The following AGBL1 variants were observed in gnomAD, a reference collection of about 807,000 sequenced individuals.
The protein encoded by AGBL1 is AGBL carboxypeptidase 1.
Under a neutral mutation model 118.9 loss-of-function variants are expected in AGBL1, and 130 were observed. The observed-to-expected ratio is 1.09, with a 90% confidence interval of 0.95 to 1.26. The LOEUF (loss-of-function observed/expected upper bound fraction) is 1.26, where lower values mean the gene tolerates loss of function less well. AGBL1 is among the 50% of genes most tolerant of loss of function. AGBL1 has a pLI of 0.00. For missense variants in AGBL1, 1,584 were observed against 1,298.1 expected, an observed-to-expected ratio of 1.22 and a Z score of -3.38; for synonymous variants, 555 against 478.9, an observed-to-expected ratio of 1.16 and a Z score of -2.08.
chr15:86,432,699 G>C (rs1311635712), intron 18 of AGBL1, among the ~76,000 whole-genome samples: 2 of 152,210 alleles, frequency 1.3e-5, no homozygotes, highest in Non-Finnish European at 2.9e-5. Flanking sequence ...GGATAGCAGA[G>C]ATAAAGGAGC....
At chr15:86,785,875 G>C (rs1043177835) in intron 22 of AGBL1, among the ~76,000 whole-genome samples, 1 of 152,168 alleles carries the variant, frequency 6.6e-6, no homozygotes, top group African/African-American at 2.4e-5. Context: ...CTAGTGTCTA[G>C]TTACAGAAAC....
intron 1 of AGBL1, among the ~76,000 whole-genome samples, chr15:86,111,848 C>G (rs535568713): frequency 8.5e-5 from 13 of 152,208 alleles, no homozygotes; most frequent in Non-Finnish European, 1.9e-4. Context: ...AAAGCTTCAT[C>G]TGTATTTACA....
At chr15:86,797,076 G>C (rs548483770) in intron 22 of AGBL1, among the ~76,000 whole-genome samples, 1 of 152,180 alleles carries the variant, frequency 6.6e-6, no homozygotes, top group South Asian at 2.1e-4. Flanking sequence ...GAGTTTCCTC[G>C]TCTGTGAAGT....
intron 22 of AGBL1, among the ~76,000 whole-genome samples, chr15:86,727,442 T>G (rs1351238435): frequency 6.6e-6 from 1 of 152,188 alleles, no homozygotes; most frequent in African/African-American, 2.4e-5. Flanking sequence ...TTGATTCCCA[T>G]TCTATGTTTT....
intron 22 of AGBL1, among the ~76,000 whole-genome samples, chr15:86,759,381 C>T (rs1017250371): frequency 2.6e-5 from 4 of 152,040 alleles, no homozygotes; most frequent in Non-Finnish European, 5.9e-5. Flanking sequence ...TCTGTTTTCT[C>T]ACTTGTATAA....
chr15:86,266,457 G>T lies in AGBL1; in HGVS notation c.1751G>T (p.Trp584Leu). ...NKVVFSLDEPWPLQDNASNCL... is the reference protein window; with the variant it reads ...NKVVFSLDEPLPLQDNASNCL... ...GTTGTCTTCAGTTTAGATGAGCCTTGGTAGGTAGTCTCGTGCATCTGAGGA... is the reference window on the plus strand; with the variant it reads ...GTTGTCTTCAGTTTAGATGAGCCTTTGTAGGTAGTCTCGTGCATCTGAGGA... Residue 584 changes from tryptophan to leucine, a missense_variant and splice_region_variant, in exon 12 of 23, where the codon TGG becomes TTG. Physicochemically the swap from Trp to Leu is moderately conservative, Grantham distance 61. Coordinates refer to ENST00000614907, the MANE Select transcript of AGBL1 (RefSeq NM_001386094.1). The T allele has an allele frequency of 6.4e-7, 1 of 1,560,284 alleles. No individual in the cohort carries two copies. The highest frequency in any genetic ancestry group is 2.3e-5 in the East Asian group (1 of 42,708).
chr15:86,294,195 C>T (rs371199873), intron 16 of AGBL1, among the ~76,000 whole-genome samples: 1 of 151,854 alleles, frequency 6.6e-6, no homozygotes, highest in Non-Finnish European at 1.5e-5. Flanking sequence ...GTCAGGAGTT[C>T]GAGATCAGCC....
chr15:86,387,248 G>T lies in AGBL1; in HGVS notation c.2375-10118G>T, dbSNP rs914910679. Among the ~76,000 whole-genome samples, 3 of 152,168 alleles carry T rather than the reference G, an allele frequency of 2.0e-5. No individual in the cohort carries two copies. In the East Asian group the frequency reaches 5.8e-4, roughly 29 times the overall value. On this transcript the variant is annotated intron_variant, in intron 17 of 22. Coordinates refer to ENST00000614907, the MANE Select transcript of AGBL1 (RefSeq NM_001386094.1). ...TTTGCTAGGTAGAAGAAGTGAGGATGAACAGGAAAGGACACAGTGTGTTTT... is the reference window on the plus strand; with the variant it reads ...TTTGCTAGGTAGAAGAAGTGAGGATTAACAGGAAAGGACACAGTGTGTTTT...
At chr15:86,423,950 A>T (rs2081829870) in intron 18 of AGBL1, among the ~76,000 whole-genome samples, 1 of 152,228 alleles carries the variant, frequency 6.6e-6, no homozygotes, top group Admixed American at 6.5e-5. Context: ...GAAAATGGAC[A>T]TACTGCCCAA....
chr15:86,414,522 A>T (rs373737791), intron 18 of AGBL1, among the ~76,000 whole-genome samples: 1 of 152,184 alleles, frequency 6.6e-6, no homozygotes, highest in African/African-American at 2.4e-5. Context: ...GGACGCTAGC[A>T]GATTGGTGCT....
chr15:86,568,333 C>T (rs1309538922), intron 21 of AGBL1, among the ~76,000 whole-genome samples: 2 of 152,068 alleles, frequency 1.3e-5, no homozygotes, highest in East Asian at 3.9e-4. Flanking sequence ...TAAAGGTATT[C>T]TTAAAAGGAT....
intron 18 of AGBL1, among the ~76,000 whole-genome samples, chr15:86,515,402 C>T (rs554994564): frequency 1.8e-4 from 27 of 152,064 alleles, no homozygotes; most frequent in Non-Finnish European, 3.2e-4. Context: ...CACATACACG[C>T]ACAGTATCTA....
intron 22 of AGBL1, among the ~76,000 whole-genome samples, chr15:86,806,078 G>A (rs911709919): frequency 1.2e-4 from 19 of 152,126 alleles, no homozygotes; most frequent in Non-Finnish European, 2.4e-4. Context: ...AGGCTTGCTG[G>A]GGATTGGAGA....
intron 23 of AGBL1, among the ~76,000 whole-genome samples, chr15:86,964,101 C>T (rs556312040): frequency 3.3e-5 from 5 of 150,504 alleles, no homozygotes; most frequent in Admixed American, 2.0e-4. Flanking sequence ...TGTTATTATA[C>T]TAATTTTACT....
intron 23 of AGBL1, among the ~76,000 whole-genome samples, chr15:86,925,715 C>T (rs1435044018): frequency 1.9e-4 from 26 of 135,968 alleles, no homozygotes; most frequent in African/African-American, 1.7e-4. Flanking sequence ...TTTTCTTTTT[C>T]TTTTCTTTTT....
In AGBL1 at chr15:86,913,785, C is replaced by T. The variant is rs1205840341; in HGVS notation, c.*6491C>T. On this transcript the variant is annotated 3_prime_UTR_variant, in exon 23 of 23. Coordinates refer to ENST00000614907, the MANE Select transcript of AGBL1 (RefSeq NM_001386094.1). ...AGGGAGGCTGAGGCAGGAGGATCAC[C>T]TGAGCCTGGAAGTGGAAGGTTGAGG... 1 of 152,374 alleles carries T rather than the reference C, an allele frequency of 6.6e-6. No individual in the cohort carries two copies. The highest frequency in any genetic ancestry group is 1.9e-4 in the East Asian group (1 of 5,168). The allele number at this position is 152,374 out of a possible 1,614,324, so 9.4% of individuals were successfully genotyped here.
chr15:86,959,206 G>C (rs2080965136), intron 23 of AGBL1, among the ~76,000 whole-genome samples: 1 of 151,990 alleles, frequency 6.6e-6, no homozygotes, highest in South Asian at 2.1e-4. Context: ...TAATCTTATT[G>C]CTCTCTGTTT....
chr15:86,402,838 T>A (rs201549343), intron 18 of AGBL1, among the ~76,000 whole-genome samples: 1 of 152,170 alleles, frequency 6.6e-6, no homozygotes, highest in African/African-American at 2.4e-5. Flanking sequence ...TAGCAACACA[T>A]GTCTGAACAG....
At chr15:86,950,251 G>C (rs1265115164) in intron 23 of AGBL1, among the ~76,000 whole-genome samples, 1 of 151,324 alleles carries the variant, frequency 6.6e-6, no homozygotes, top group African/African-American at 2.4e-5. Context: ...AGAATAATCA[G>C]TTAACCCCAA....
Sources: gnomAD v4.1 joint callset for allele counts (sites outside exome capture counted in the v4.1 genomes callset) on GRCh38, gnomAD v4.1.1 for gene constraint, MANE v1.5 for transcripts, NCBI Gene and HGNC (gene_info 2026-07-23, HGNC 2026-07-21) for gene names.